SPAG16: variants seen among roughly 807,000 people sequenced by gnomAD.
SPAG16 encodes the protein sperm-associated antigen 16 protein.
SPAG16 carries 86 observed loss-of-function variants against 80.4 expected under a neutral mutation model. That is an observed-to-expected ratio of 1.07 (90% confidence interval 0.90 to 1.28). The LOEUF is 1.28. Ranked by LOEUF, SPAG16 falls within the 50% of genes most tolerant of loss-of-function variation. The pLI is 0.00. For missense variants in SPAG16, 870 were observed against 765.3 expected, an observed-to-expected ratio of 1.14 and a Z score of -1.61; for synonymous variants, 294 against 265.9, an observed-to-expected ratio of 1.11 and a Z score of -1.03.
At chr2:214,339,321 T>C (rs545365580) in intron 15 of SPAG16, among the ~76,000 whole-genome samples, 3 of 152,304 alleles carry the variant, frequency 2.0e-5, no homozygotes, top group African/African-American at 7.2e-5. Flanking sequence ...TGTTGGTCTA[T>C]AATCAACCAG....
At chr2:214,247,884 G>A (rs915771049) in intron 15 of SPAG16, among the ~76,000 whole-genome samples, 2 of 151,772 alleles carry the variant, frequency 1.3e-5, no homozygotes, top group South Asian at 4.2e-4. Flanking sequence ...ATAAATTAGC[G>A]GGGCACGGTG....
At chr2:213,680,690 G>A (rs879925567) in intron 10 of SPAG16, among the ~76,000 whole-genome samples, 1 of 152,118 alleles carries the variant, frequency 6.6e-6, no homozygotes, top group Admixed American at 6.6e-5. Context: ...TATTTTAAGA[G>A]ATTTATTCTG....
At chr2:213,678,996 C>G (rs1169265904) in intron 10 of SPAG16, among the ~76,000 whole-genome samples, 1 of 152,094 alleles carries the variant, frequency 6.6e-6, no homozygotes, top group South Asian at 2.1e-4. Context: ...GTGTCTGTTG[C>G]TGCTTCCTTT....
intron 10 of SPAG16, among the ~76,000 whole-genome samples, chr2:213,759,467 A>C (rs2068527497): frequency 6.6e-6 from 1 of 152,100 alleles, no homozygotes; most frequent in African/African-American, 2.4e-5. Context: ...TAAAGATATA[A>C]TTTTGTGACA....
chr2:214,328,152 C>CTT (rs534713539), intron 15 of SPAG16, among the ~76,000 whole-genome samples: 15 of 143,484 alleles, frequency 1.0e-4, no homozygotes, highest in African/African-American at 3.6e-4. Context: ...GTTTAGCAGT[C>CTT]TTTTTTTTTT....
chr2:214,002,729 A>G (rs1302589813), intron 12 of SPAG16, among the ~76,000 whole-genome samples: 3 of 152,328 alleles, frequency 2.0e-5, no homozygotes, highest in African/African-American at 7.2e-5. Context: ...GCAGGAGAAT[A>G]TGGATGTCCC....
chr2:213,795,285 T>C (rs1361531329), intron 10 of SPAG16, among the ~76,000 whole-genome samples: 1 of 152,208 alleles, frequency 6.6e-6, no homozygotes, highest in Non-Finnish European at 1.5e-5. Context: ...TTTGTATCTG[T>C]AGATTAATAT....
chr2:214,005,387 T>C (rs2046983354), intron 12 of SPAG16, among the ~76,000 whole-genome samples: 1 of 152,172 alleles, frequency 6.6e-6, no homozygotes, highest in Admixed American at 6.6e-5. Context: ...TTGTTAGGGG[T>C]CTGCCTTTTA....
chr2:214,083,788 A>G (rs2051540986), intron 13 of SPAG16, among the ~76,000 whole-genome samples: 1 of 152,184 alleles, frequency 6.6e-6, no homozygotes. Context: ...TCACTCAGGT[A>G]GTGAGCCATA....
intron 15 of SPAG16, among the ~76,000 whole-genome samples, chr2:214,324,868 A>T (rs1372726363): frequency 6.6e-6 from 1 of 152,162 alleles, no homozygotes; most frequent in Admixed American, 6.5e-5. Context: ...TTTTGCAAAT[A>T]AACAAACATA....
intron 9 of SPAG16, among the ~76,000 whole-genome samples, chr2:213,425,671 G>A (rs903912357): frequency 4.0e-4 from 54 of 135,376 alleles, no homozygotes; most frequent in African/African-American, 1.2e-3. Flanking sequence ...AAAAAAAAAA[G>A]GTGTGCAAAT....
chr2:213,310,010 T>G (rs1453777406), intron 3 of SPAG16, 49 bp from the exon 4 acceptor site: 1 of 1,217,970 alleles, frequency 8.2e-7, no homozygotes, highest in South Asian at 1.3e-5. Context: ...ATATCATTAA[T>G]TAATGCTTTG....
At chr2:214,283,718 C>A (rs1012504752) in intron 15 of SPAG16, among the ~76,000 whole-genome samples, 5 of 152,150 alleles carry the variant, frequency 3.3e-5, no homozygotes, top group African/African-American at 1.2e-4. Context: ...TTGCTTGCTG[C>A]TCTAATAGTT....
intron 10 of SPAG16, among the ~76,000 whole-genome samples, chr2:213,673,304 G>A (rs1282859456): frequency 6.6e-6 from 1 of 152,052 alleles, no homozygotes; most frequent in Non-Finnish European, 1.5e-5. Context: ...TTTATAAAAA[G>A]TCACTTTTTT....
intron 14 of SPAG16, among the ~76,000 whole-genome samples, chr2:214,109,737 T>C (rs112139812): frequency 0.011 from 1,718 of 152,306 alleles, 23 homozygotes; most frequent in Middle Eastern, 0.031. Context: ...TTTTCTGTAG[T>C]GAGCCAATTA....
intron 13 of SPAG16, among the ~76,000 whole-genome samples, chr2:214,081,110 AAATAT>A (rs950465673): frequency 4.6e-5 from 7 of 150,740 alleles, no homozygotes; most frequent in African/African-American, 1.7e-4. Context: ...ATTAGAATTT[AAATAT>A]AATATATATT....
intron 11 of SPAG16, among the ~76,000 whole-genome samples, chr2:213,906,395 T>C (rs1230074616): frequency 6.6e-6 from 1 of 152,190 alleles, no homozygotes; most frequent in Non-Finnish European, 1.5e-5. Flanking sequence ...AGACATCTCA[T>C]GCTCATGGAT....
chr2:213,935,750 A>G (rs766152840), intron 12 of SPAG16, among the ~76,000 whole-genome samples: 39 of 152,184 alleles, frequency 2.6e-4, no homozygotes, highest in Non-Finnish European at 5.4e-4. Flanking sequence ...AGTTAAGCTG[A>G]TGGAATAAAA....
intron 10 of SPAG16, among the ~76,000 whole-genome samples, chr2:213,708,042 C>T (rs1361558353): frequency 1.3e-5 from 2 of 152,012 alleles, no homozygotes; most frequent in African/African-American, 4.8e-5. Flanking sequence ...CTATTTTTTT[C>T]TCTCAAAACT....
Sources: gnomAD v4.1 joint callset for allele counts (sites outside exome capture counted in the v4.1 genomes callset) on GRCh38, gnomAD v4.1.1 for gene constraint, MANE v1.5 for transcripts, NCBI Gene and HGNC (gene_info 2026-07-23, HGNC 2026-07-21) for gene names.